The following DNAI7 variants were observed in gnomAD, a reference collection of about 807,000 sequenced individuals.
DNAI7 encodes the protein cancer susceptibility 1.
Under a neutral mutation model 86.6 loss-of-function variants are expected in DNAI7, and 78 were observed. The observed-to-expected ratio is 0.90, with a 90% CI of 0.75 to 1.09. The LOEUF (loss-of-function observed/expected upper bound fraction) is 1.09, where lower values mean the gene tolerates loss of function less well. DNAI7 is among the 50% of genes least tolerant of loss of function. The pLI, the probability that DNAI7 is intolerant of heterozygous loss-of-function variation, is 0.00. For missense variants in DNAI7, 753 were observed against 810.2 expected, an observed-to-expected ratio of 0.93 and a Z score of 0.86; for synonymous variants, 274 against 273.0, an observed-to-expected ratio of 1.00 and a Z score of -0.04.
At chr12:25,134,370 T>TC (rs894753397) in intron 9 of DNAI7, among the ~76,000 whole-genome samples, 13 of 145,650 alleles carry the variant, frequency 8.9e-5, no homozygotes, top group Non-Finnish European at 1.7e-4. Context: ...TTTTTTTTTT[T>TC]TTTTGAGACA....
At chr12:25,177,554 T>G (rs1438058262) in intron 2 of DNAI7, among the ~76,000 whole-genome samples, 2 of 152,246 alleles carry the variant, frequency 1.3e-5, no homozygotes, top group Non-Finnish European at 2.9e-5. Context: ...TTATCCTTTT[T>G]CTATTGCTAG....
chr12:25,183,919 C>T (rs1344636812), intron 2 of DNAI7, among the ~76,000 whole-genome samples: 3 of 151,356 alleles, frequency 2.0e-5, no homozygotes, highest in Non-Finnish European at 4.4e-5. Context: ...TTTATTATTC[C>T]ACTATGTTCT....
chr12:25,155,134 G>A (rs1228648405), intron 5 of DNAI7, among the ~76,000 whole-genome samples, 177 bp downstream of exon 5: 1 of 152,154 alleles, frequency 6.6e-6, no homozygotes, highest in East Asian at 1.9e-4. Context: ...CATTATTACT[G>A]ACAAATAGCT....
chr12:25,169,403 T>C (rs1947871694), intron 2 of DNAI7, among the ~76,000 whole-genome samples: 1 of 152,118 alleles, frequency 6.6e-6, no homozygotes, highest in South Asian at 2.1e-4. Context: ...CCCTACCCCA[T>C]CTCCCTTCGC....
In DNAI7 at chr12:25,147,080, C is replaced by G; in HGVS notation, c.610G>C (p.Asp204His). 2 of 1,599,622 alleles carry G rather than the reference C, an allele frequency of 1.3e-6. No individual in the cohort carries two copies. Among genetic ancestry groups the G allele is most frequent in the Non-Finnish European group, 1.7e-6 (2 of 1,166,916 alleles). The change falls in exon 8 of 16, where the codon GAC (aspartate) becomes CAC (histidine). Residue 204 changes from aspartate (D) to histidine (H), a missense_variant. Coordinates refer to ENST00000395987, the MANE Select transcript of DNAI7 (RefSeq NM_018272.5). Reference sequence around the variant, plus strand: ...ATGACTTTTTCCATATTTCCACTGTCCAGATCTGCCAAAGTACTAGCTTGC... The same window carrying G: ...ATGACTTTTTCCATATTTCCACTGTGCAGATCTGCCAAAGTACTAGCTTGC... ...LKQASTLADL[D>H]SGNMEKVIKD...
chr12:25,139,402 T>C (rs866486470), intron 9 of DNAI7, among the ~76,000 whole-genome samples: 9 of 152,150 alleles, frequency 5.9e-5, no homozygotes, highest in Middle Eastern at 3.4e-3. Context: ...GGAAAGGGTA[T>C]AACAAGAAAG....
intron 11 of DNAI7, among the ~76,000 whole-genome samples, chr12:25,120,744 AAAAT>A (rs1176407267): frequency 2.6e-5 from 4 of 152,188 alleles, no homozygotes; most frequent in South Asian, 2.1e-4. Flanking sequence ...AAAAATAAAA[AAAAT>A]AAATAAACCA....
intron 2 of DNAI7, among the ~76,000 whole-genome samples, chr12:25,166,286 G>A (rs1417871031): frequency 6.6e-6 from 1 of 152,152 alleles, no homozygotes; most frequent in Non-Finnish European, 1.5e-5. Flanking sequence ...TTCAGGATCT[G>A]CGCCTTATCA....
intron 15 of DNAI7, among the ~76,000 whole-genome samples, 183 bp downstream of exon 15, chr12:25,109,944 C>T (rs1195671072): frequency 6.6e-6 from 1 of 152,184 alleles, no homozygotes; most frequent in African/African-American, 2.4e-5. Flanking sequence ...TCCCATAGTG[C>T]TGGGATTACA....
At chr12:25,193,341 G>A (rs1950706924) in intron 1 of DNAI7, among the ~76,000 whole-genome samples, 1 of 152,078 alleles carries the variant, frequency 6.6e-6, no homozygotes, top group Non-Finnish European at 1.5e-5. Flanking sequence ...ATACTCAGAT[G>A]GAGAATGCCA....
At chr12:25,107,870 C>CTAAT (rs1949315627), downstream of DNAI7, 3 of 1,613,988 alleles carry the variant, frequency 1.9e-6, no homozygotes, top group Admixed American at 1.7e-5. Flanking sequence ...ATCAGAAAGG[C>CTAAT]TAATAAGGCC....
chr12:25,114,577 T>C (rs1939679670), intron 13 of DNAI7, 79 bp downstream of exon 13: 1 of 867,808 alleles, frequency 1.2e-6, no homozygotes, highest in African/African-American at 1.7e-5. Context: ...AGCCACTGAT[T>C]GCTTTTGACA....
rs55662471 is a variant in DNAI7, at chr12:25,147,484, C to CCCCT, written c.586-381_586-380insAGGG. On this transcript the variant is annotated intron_variant, in intron 7 of 15. Transcript: ENST00000395987. ...CTGGGCAACATAATGAGACCACCCC[C>CCCCT]ATCTCTACAAAAAATTAGCTGGGTG... is the stretch of plus-strand genomic sequence containing the variant. 9.4e-5 allele frequency among the ~76,000 whole-genome samples: 13 copies of CCCCT among 138,176 alleles called. No homozygotes were observed. In the East Asian group the frequency reaches 2.2e-3, roughly 23 times the overall value. 90.6% of individuals were successfully genotyped at this position (138,176 alleles called of 152,430 possible).
intron 2 of DNAI7, 129 bp from the exon 3 acceptor site, chr12:25,161,326 C>A: frequency 1.3e-6 from 1 of 757,936 alleles, no homozygotes; most frequent in Non-Finnish European, 2.3e-6. Flanking sequence ...ATTCATTCAA[C>A]AAATAAGACT....
At chr12:25,173,338 A>C (rs546414022) in intron 2 of DNAI7, among the ~76,000 whole-genome samples, 6 of 152,152 alleles carry the variant, frequency 3.9e-5, no homozygotes, top group Middle Eastern at 3.4e-3. Flanking sequence ...GCCAATAAAC[A>C]TATGAAAAAA....
intron 12 of DNAI7, among the ~76,000 whole-genome samples, chr12:25,117,709 A>G (rs183572233): frequency 3.9e-5 from 6 of 152,270 alleles, no homozygotes; most frequent in Admixed American, 3.3e-4. Flanking sequence ...ATAATGTCCC[A>G]TGGCTCAAAA....
intron 9 of DNAI7, among the ~76,000 whole-genome samples, chr12:25,125,293 CT>C (rs1257776556): frequency 6.6e-6 from 1 of 152,136 alleles, no homozygotes; most frequent in Non-Finnish European, 1.5e-5. Context: ...TATTTTTTGA[CT>C]TTTTAGTAGT....
chr12:25,143,161 G>T (rs536405201), intron 9 of DNAI7, among the ~76,000 whole-genome samples: 105 of 151,668 alleles, frequency 6.9e-4, no homozygotes, highest in African/African-American at 2.4e-3. Flanking sequence ...ATTTTCACGT[G>T]CTTGTCATTA....
At chr12:25,158,918 G>A (rs944996296) in intron 3 of DNAI7, among the ~76,000 whole-genome samples, 4 of 152,124 alleles carry the variant, frequency 2.6e-5, no homozygotes, top group African/African-American at 7.2e-5. Context: ...TTAGAATGGC[G>A]ATCATTAAAA....
Sources: allele counts gnomAD v4.1 joint callset (sites outside exome capture counted in the v4.1 genomes callset), GRCh38; gene constraint gnomAD v4.1.1; transcripts MANE v1.5; gene names NCBI Gene and HGNC (gene_info 2026-07-23, HGNC 2026-07-21).